The following ANK3 variants were observed in gnomAD, a reference collection of about 807,000 sequenced individuals.
ANK3 encodes ankyrin 3.
ANK3 carries 57 observed loss-of-function variants against 370.9 expected under a neutral mutation model. That is an observed-to-expected ratio of 0.15 (90% CI 0.12 to 0.19). The LOEUF is 0.19. ANK3 is among the 10% of genes least tolerant of loss of function. The pLI is 1.00. For synonymous variants in ANK3, 1,929 were observed against 1,946.3 expected (o/e 0.99, Z 0.23); for missense variants, 4,439 against 5,302.1 (o/e 0.84, Z 5.06).
chr10:60,234,572 A>T, intron 8 of ANK3, 116 bp downstream of exon 8: 1 of 602,864 alleles, frequency 1.7e-6, no homozygotes, highest in South Asian at 2.3e-5. Flanking sequence ...TTTCCAAGAG[A>T]CTATAACAAA....
At chr10:60,251,940 T>A (rs2097673704) in intron 7 of ANK3, among the ~76,000 whole-genome samples, 1 of 152,236 alleles carries the variant, frequency 6.6e-6, no homozygotes, top group Non-Finnish European at 1.5e-5. Context: ...CACACCTGCA[T>A]CTGGGCTTCA....
chr10:60,263,532 C>A (rs780646897), intron 6 of ANK3, among the ~76,000 whole-genome samples: 6 of 152,160 alleles, frequency 3.9e-5, no homozygotes, highest in Non-Finnish European at 5.9e-5. Flanking sequence ...GATGTTTGAG[C>A]TGAACTGTTG....
At position 60,598,072 on chromosome 10, in the gene ANK3, G is replaced by A. The variant is rs554883329; in HGVS notation, c.96+17114C>T. On this transcript the variant is annotated intron_variant, in intron 2 of 43. Transcript: ENST00000373827. ...AGAAGTCTTTGTTTGAAACTAACAG[G>A]TTGTGATAGAGAAATCCATTTCAAC... 1.2e-4 allele frequency among the ~76,000 whole-genome samples: 18 copies of A among 152,218 alleles called. 1 individual carries two copies. The South Asian group carries it at 3.7e-3, about 32-fold the overall frequency.
Position 60,069,451 on chromosome 10 carries a change from TTC to T in ANK3, c.11428_11429del (p.Glu3810ThrfsTer12). On this transcript the variant is annotated frameshift_variant, in exon 37 of 44. Transcript: ENST00000280772. LOFTEE classifies it high-confidence loss of function. ...CTGTGGTACAAGTGGGTGCAGAATG[TTC>T]TGTCAGAACTATATTACTCATAATG... ...DNIMSNIVLT[E>X]HSAPTCTTEK... 1 of 1,614,172 alleles carries T rather than the reference TTC, an allele frequency of 6.2e-7. No individual in the cohort carries two copies. Among genetic ancestry groups the T allele is most frequent in the Non-Finnish European group, 8.5e-7 (1 of 1,180,026 alleles).
intron 25 of ANK3, among the ~76,000 whole-genome samples, chr10:60,114,623 C>T (rs1370428727): frequency 6.6e-6 from 1 of 152,200 alleles, no homozygotes; most frequent in Non-Finnish European, 1.5e-5. Context: ...GCACATGTCA[C>T]ATTTTCAACA....
In ANK3 at chr10:60,075,349, T is replaced by TGAATTA. The variant is rs1486952022; in HGVS notation, c.5526_5531dup (p.Asn1843_Ser1844dup). 6.2e-7 allele frequency: 1 copy of TGAATTA among 1,614,170 alleles called. No individual in the cohort carries two copies. Among genetic ancestry groups the TGAATTA allele is most frequent in the Non-Finnish European group, 8.5e-7 (1 of 1,180,020 alleles). On this transcript the variant is annotated inframe_insertion, in exon 37 of 44. Coordinates refer to ENST00000280772, the MANE Select transcript of ANK3 (RefSeq NM_020987.5). ...GCAAGGCTGCTGCTGATTTTGTAAA[T>TGAATTA]GAATTAGAGTCTGGAAGTTTCTTTA...
chr10:60,383,362 A>T (rs1227976902), intron 1 of ANK3, among the ~76,000 whole-genome samples: 2 of 152,168 alleles, frequency 1.3e-5, no homozygotes, highest in Non-Finnish European at 2.9e-5. Context: ...TATCCTAAGC[A>T]CATCCTACTA....
chr10:60,242,117 C>T (rs140226558), intron 7 of ANK3, among the ~76,000 whole-genome samples: 2,120 of 152,162 alleles, frequency 0.014, 20 homozygotes, highest in South Asian at 0.053. Flanking sequence ...CTCCTTCCAC[C>T]TCGATTTTCA....
At chr10:60,357,865 A>C (rs1477815119) in intron 1 of ANK3, among the ~76,000 whole-genome samples, 1 of 151,490 alleles carries the variant, frequency 6.6e-6, no homozygotes. Context: ...CAGGCACCCT[A>C]CTCTCTCTCC....
intron 1 of ANK3, among the ~76,000 whole-genome samples, chr10:60,314,317 A>G (rs1303577565): frequency 6.6e-6 from 1 of 152,182 alleles, no homozygotes; most frequent in Non-Finnish European, 1.5e-5. Flanking sequence ...AATTTTCACC[A>G]TACTGTAAAA....
intron 1 of ANK3, among the ~76,000 whole-genome samples, chr10:60,346,561 C>A (rs7096250): frequency 0.75 from 113,767 of 151,978 alleles, 42,825 homozygotes; most frequent in South Asian, 0.92. Flanking sequence ...AATAATAAAC[C>A]TCCCATGTTA....
Position 60,489,059 on chromosome 10 carries a change from G to A in ANK3, c.96+126127C>T, listed in dbSNP as rs546290854. ...CAAAATTATAGCACTTTTATTACAA[G>A]TGGTTACTTTGGAAGCAAATGACAA... On this transcript the variant is annotated intron_variant, in intron 2 of 43. Transcript: ENST00000373827. Among the ~76,000 whole-genome samples, 19 of 152,174 alleles carry A rather than the reference G, an allele frequency of 1.2e-4. No homozygotes were observed. In the East Asian group the frequency reaches 3.7e-3, roughly 29 times the overall value.
rs199963425 is a variant in ANK3 at position 60,370,461 on chromosome 10, T to C, written c.114+18964A>G. ...GAAAAATTAATTTAAAAAGAAAAAA[T>C]ATATAAAAATCACTATTCAAATATT... On this transcript the variant is annotated intron_variant, in intron 1 of 43. Coordinates refer to ENST00000280772, the MANE Select transcript of ANK3 (RefSeq NM_020987.5). Among the ~76,000 whole-genome samples, 36 of 152,176 alleles carry C rather than the reference T, an allele frequency of 2.4e-4. No individual in the cohort carries two copies. The East Asian group carries it at 6.6e-3, about 28-fold the overall frequency.
At chr10:60,338,752 G>A (rs1244380843) in intron 1 of ANK3, among the ~76,000 whole-genome samples, 1 of 152,126 alleles carries the variant, frequency 6.6e-6, no homozygotes, top group African/African-American at 2.4e-5. Flanking sequence ...CCTAATTCAG[G>A]CTTGCCCTTT....
Position 60,026,747 on chromosome 10 carries a change from T to C in ANK3, c.*3099A>G, listed in dbSNP as rs1004943063. On this transcript the variant is annotated 3_prime_UTR_variant, in exon 44 of 44. Coordinates refer to ENST00000280772, the MANE Select transcript of ANK3 (RefSeq NM_020987.5). ...GCCTCTTAAAGTATTGAAATAATAC[T>C]GCATAGTGTATTGCCATAATTTGGC... 1 of 152,240 alleles carries C rather than the reference T, an allele frequency of 6.6e-6. No individual in the cohort carries two copies. The highest frequency in any genetic ancestry group is 2.4e-5 in the African/African-American group (1 of 41,464). 9.4% of individuals were successfully genotyped at this position (152,240 alleles called of 1,614,324 possible).
chr10:60,201,873 A>C (rs1319482312), intron 12 of ANK3, among the ~76,000 whole-genome samples: 1 of 151,698 alleles, frequency 6.6e-6, no homozygotes, highest in Non-Finnish European at 1.5e-5. Flanking sequence ...CACCACGCCC[A>C]GCTAATTCTT....
chr10:60,068,098 G>C, intron 37 of ANK3, 89 bp from the exon 38 acceptor site: 1 of 1,149,798 alleles, frequency 8.7e-7, no homozygotes. Flanking sequence ...ATTTTACAGA[G>C]AGACTAATGC....
At chr10:60,638,168 C>T (rs968673344) in intron 1 of ANK3, among the ~76,000 whole-genome samples, 2 of 152,158 alleles carry the variant, frequency 1.3e-5, no homozygotes, top group African/African-American at 2.4e-5. Context: ...TGAGGTGAAA[C>T]TCCATGAGGT....
At chr10:60,406,097 G>A (rs1047298902) in intron 2 of ANK3, among the ~76,000 whole-genome samples, 2 of 152,166 alleles carry the variant, frequency 1.3e-5, no homozygotes, top group African/African-American at 4.8e-5. Flanking sequence ...GGCAATAAAA[G>A]GGGTCAAACT....
Sources: allele counts gnomAD v4.1 joint callset (sites outside exome capture counted in the v4.1 genomes callset), GRCh38; gene constraint gnomAD v4.1.1; transcripts MANE v1.5; gene names NCBI Gene and HGNC (gene_info 2026-07-23, HGNC 2026-07-21).